The following PLA1A variants were observed in gnomAD, a reference collection of about 807,000 sequenced individuals.
The protein encoded by PLA1A is phospholipase A1 member A.
In PLA1A, 47 loss-of-function variants were observed where a neutral mutation model predicts 49.4. The observed-to-expected ratio is 0.95, with a 90% CI of 0.75 to 1.21. The LOEUF is 1.21. Among genes scored for constraint, PLA1A ranks in the 50% most tolerant of loss-of-function variants. The pLI is 0.00. For missense variants in PLA1A, 561 were observed against 563.9 expected (o/e 0.99, Z 0.05); for synonymous variants, 224 against 207.9 (o/e 1.08, Z -0.67).
chr3:119,604,728 A>T (rs1040876191), intron 1 of PLA1A, among the ~76,000 whole-genome samples: 4 of 152,348 alleles, frequency 2.6e-5, no homozygotes, highest in Middle Eastern at 6.8e-3. Flanking sequence ...AATATAAAAA[A>T]TTTTTAAAAA....
At position 119,626,747 on chromosome 3, in the gene PLA1A, G is replaced by A. The variant is rs74709628; in HGVS notation, c.1121+1515G>A. ...AGGAGTGCATTTCACTCCCAAAACC[G>A]TGGCCACTAGCTGGTGTTCCTTCTG... On this transcript the variant is annotated intron_variant, in intron 9 of 10. Coordinates refer to ENST00000273371, the MANE Select transcript of PLA1A (RefSeq NM_015900.4). 3.2e-3 allele frequency among the ~76,000 whole-genome samples: 481 copies of A among 152,248 alleles called. 2 individuals are homozygous for A. Among genetic ancestry groups the A allele is most frequent in the Non-Finnish European group, 3.7e-3 (255 of 68,012 alleles).
intron 1 of PLA1A, among the ~76,000 whole-genome samples, chr3:119,598,415 A>G (rs1560074030): frequency 6.6e-6 from 1 of 152,160 alleles, no homozygotes; most frequent in African/African-American, 2.4e-5. Flanking sequence ...TAATCCAGCA[A>G]CCTAACTCAA....
At position 119,623,167 on chromosome 3, in the gene PLA1A, G is replaced by C. The variant is rs374929501; in HGVS notation, c.1013-1957G>C. Reference sequence around the variant, plus strand: ...TTAATTTTGATTTTTTTTGAGACAGGGTCTCCCACTGTCACCCAGGCTGGA... The same window carrying C: ...TTAATTTTGATTTTTTTTGAGACAGCGTCTCCCACTGTCACCCAGGCTGGA... On this transcript the variant is annotated intron_variant, in intron 8 of 10. Coordinates refer to ENST00000273371, the MANE Select transcript of PLA1A (RefSeq NM_015900.4). Among the ~76,000 whole-genome samples the C allele has an allele frequency of 8.1e-5, 12 of 147,768 alleles. No homozygotes were observed. The East Asian group carries it at 2.4e-3, about 30-fold the overall frequency.
intron 9 of PLA1A, 131 bp from the exon 10 acceptor site, chr3:119,628,570 G>A: frequency 1.4e-6 from 1 of 698,702 alleles, no homozygotes; most frequent in Admixed American, 2.6e-5. Context: ...ACAAAGGACT[G>A]TGGTAAGGAG....
At chr3:119,614,095 C>T (rs2107788807) in intron 5 of PLA1A, among the ~76,000 whole-genome samples, 1 of 152,302 alleles carries the variant, frequency 6.6e-6, no homozygotes, top group Middle Eastern at 3.4e-3. Flanking sequence ...ACATCTGTCC[C>T]TGACCAGACA....
At chr3:119,619,112 A>G (rs913595325) in intron 7 of PLA1A, among the ~76,000 whole-genome samples, 2 of 152,202 alleles carry the variant, frequency 1.3e-5, no homozygotes, top group Admixed American at 6.5e-5. Flanking sequence ...CCAAGTGTAC[A>G]TCGGGCTTCC....
rs371324639 is a variant in PLA1A, at chr3:119,629,367, T to C, written c.1287-17T>C. The stretch of plus-strand genomic sequence containing the variant: ...CTCCTCACCAGCCACTGCTCTCTTA[T>C]TGCTCTTCTCTTCCAGAGAAAAGAT... On this transcript the variant is annotated splice_polypyrimidine_tract_variant and intron_variant, in intron 10 of 10. Transcript: ENST00000273371. The C allele has an allele frequency of 9.3e-5, 140 of 1,503,826 alleles. 1 individual carries two copies. The highest frequency in any genetic ancestry group is 1.2e-4 in the Non-Finnish European group (134 of 1,079,632). The allele number at this position is 1,503,826 out of a possible 1,614,324, so 93.2% of individuals were successfully genotyped here.
intron 5 of PLA1A, 144 bp from the exon 6 acceptor site, chr3:119,615,868 G>C (rs971467267): frequency 6.5e-6 from 4 of 617,812 alleles, no homozygotes; most frequent in Non-Finnish European, 1.2e-5. Flanking sequence ...AAAGAAATCT[G>C]TCTGAGGGCT....
chr3:119,605,476 T>G (rs1257079123), intron 1 of PLA1A, among the ~76,000 whole-genome samples: 1 of 152,242 alleles, frequency 6.6e-6, no homozygotes, highest in South Asian at 2.1e-4. Flanking sequence ...TTACCTCTGA[T>G]AGAAGATAAT....
intron 1 of PLA1A, among the ~76,000 whole-genome samples, chr3:119,600,826 G>A (rs1202606876): frequency 6.6e-6 from 1 of 152,226 alleles, no homozygotes; most frequent in Non-Finnish European, 1.5e-5. Context: ...GGAGCCCAGG[G>A]CTCAAGGGGG....
At chr3:119,621,804 G>T (rs1258221880) in intron 8 of PLA1A, among the ~76,000 whole-genome samples, 4 of 152,240 alleles carry the variant, frequency 2.6e-5, no homozygotes, top group African/African-American at 9.6e-5. Flanking sequence ...CAGGCCTCCT[G>T]ACCAACCACT....
At chr3:119,607,352 A>G (rs879462437) in intron 2 of PLA1A, among the ~76,000 whole-genome samples, 3 of 152,188 alleles carry the variant, frequency 2.0e-5, no homozygotes, top group Non-Finnish European at 4.4e-5. Context: ...CCCAGAGGTT[A>G]TGGGTGTGAT....
intron 1 of PLA1A, among the ~76,000 whole-genome samples, chr3:119,606,488 G>T (rs933760104): frequency 2.6e-5 from 4 of 152,158 alleles, no homozygotes; most frequent in African/African-American, 9.7e-5. Flanking sequence ...ATGAGACTCA[G>T]TTCAGCCCGG....
In PLA1A at chr3:119,608,953, T is replaced by A. The variant is rs768860913; in HGVS notation, c.453+6T>A. The A allele has an allele frequency of 6.2e-7, 1 of 1,612,672 alleles. No individual in the cohort carries two copies. The highest frequency in any genetic ancestry group is 8.5e-7 in the Non-Finnish European group (1 of 1,178,748). ...TTTTCCTCAATAAACTCCTGGTAGGTGCAGAAGAGCTTAGGGTGAGTTTGG... is the reference window on the plus strand; with the variant it reads ...TTTTCCTCAATAAACTCCTGGTAGGAGCAGAAGAGCTTAGGGTGAGTTTGG... On this transcript the variant is annotated splice_donor_region_variant and intron_variant, in intron 3 of 10. Transcript: ENST00000273371.
intron 1 of PLA1A, among the ~76,000 whole-genome samples, chr3:119,605,266 G>T (rs1191920388): frequency 2.0e-5 from 3 of 152,180 alleles, no homozygotes; most frequent in Middle Eastern, 3.2e-3. Flanking sequence ...CTGCCTGCTT[G>T]GTCTGCCTCT....
chr3:119,623,075 T>A (rs1405986158), intron 8 of PLA1A, among the ~76,000 whole-genome samples: 1 of 152,146 alleles, frequency 6.6e-6, no homozygotes, highest in African/African-American at 2.4e-5. Context: ...ATGATCTGCC[T>A]GCCTTAGCCT....
At chr3:119,615,967 G>C in intron 5 of PLA1A, 45 bp from the exon 6 acceptor site, 1 of 1,298,386 alleles carries the variant, frequency 7.7e-7, no homozygotes, top group Non-Finnish European at 1.1e-6. Flanking sequence ...GCTGTGAGCC[G>C]ACCCCCTGAA....
In PLA1A at chr3:119,619,627, G is replaced by A; in HGVS notation, c.987G>A (p.Leu329=). The change falls in exon 8 of 11, where the codon CTG becomes CTA. Residue 329 remains leucine (L), a synonymous_variant. Transcript: ENST00000273371. ...PLPKEVKVYL[L]TTSSAPYCMH... ...CCAAGGAAGTGAAAGTCTACCTCCTGACTACTTCCAGTGCTCCGTACTGCA... is the reference window on the plus strand; with the variant it reads ...CCAAGGAAGTGAAAGTCTACCTCCTAACTACTTCCAGTGCTCCGTACTGCA... The A allele has an allele frequency of 6.2e-7, 1 of 1,612,626 alleles. No homozygotes were observed. The highest frequency in any genetic ancestry group is 8.5e-7 in the Non-Finnish European group (1 of 1,178,612).
intron 1 of PLA1A, among the ~76,000 whole-genome samples, chr3:119,604,382 A>C (rs539994734): frequency 6.6e-6 from 1 of 152,142 alleles, no homozygotes; most frequent in East Asian, 1.9e-4. Flanking sequence ...TGAATGAATA[A>C]AAAAAAAGAA....
Sources: gnomAD v4.1 joint callset for allele counts (sites outside exome capture counted in the v4.1 genomes callset) on GRCh38, gnomAD v4.1.1 for gene constraint, MANE v1.5 for transcripts, NCBI Gene and HGNC (gene_info 2026-07-23, HGNC 2026-07-21) for gene names.